The following MBNL1 variants were observed in gnomAD, a reference collection of about 807,000 sequenced individuals.
MBNL1 encodes muscleblind like splicing regulator 1.
In MBNL1, 8 loss-of-function variants were observed where a neutral mutation model predicts 42.2. The observed-to-expected ratio is 0.19, with a 90% CI of 0.11 to 0.34. The LOEUF (loss-of-function observed/expected upper bound fraction) is 0.34, where lower values mean the gene tolerates loss of function less well. MBNL1 is among the 10% of genes least tolerant of loss of function. The pLI is 1.00. For synonymous variants in MBNL1, 169 were observed against 173.9 expected (o/e 0.97, Z 0.22); for missense variants, 309 against 495.3 (o/e 0.62, Z 3.57).
chr3:152,288,263 C>T (rs1017715238), intron 1 of MBNL1, among the ~76,000 whole-genome samples: 1 of 152,204 alleles, frequency 6.6e-6, no homozygotes, highest in Admixed American at 6.5e-5. Flanking sequence ...AGAGGACATA[C>T]ATGCAAAGGC....
rs1490856475 is a variant in MBNL1, at chr3:152,249,602, T to A, written n.333+5162T>A. The stretch of plus-strand genomic sequence containing the variant: ...ACTCTGATGGTAGTTTCTTTTGCTG[T>A]GCAGAAGCTCTTTAGTTTAATTAGA... On this transcript the variant is annotated intron_variant and non_coding_transcript_variant, in intron 2 of 2. Coordinates refer to the MBNL1 transcript ENST00000477171. Among the ~76,000 whole-genome samples the A allele has an allele frequency of 1.1e-4, 16 of 149,718 alleles. 1 individual carries two copies.
intron 3 of MBNL1, among the ~76,000 whole-genome samples, chr3:152,423,667 C>T (rs1379973653): frequency 3.3e-5 from 5 of 152,256 alleles, no homozygotes; most frequent in South Asian, 4.1e-4. Context: ...TGGTGAACAT[C>T]GGTGCGAAAA....
intron 4 of MBNL1, among the ~76,000 whole-genome samples, chr3:152,436,058 A>G (rs1184133668): frequency 6.6e-6 from 1 of 152,012 alleles, no homozygotes; most frequent in Non-Finnish European, 1.5e-5. Flanking sequence ...GGATGAGGCA[A>G]TACTTAGTGC....
chr3:152,413,621 A>T (rs1295957957), intron 2 of MBNL1, among the ~76,000 whole-genome samples: 1 of 152,232 alleles, frequency 6.6e-6, no homozygotes, highest in African/African-American at 2.4e-5. Context: ...AATTAGAATT[A>T]TGACAGATTT....
At chr3:152,459,845 T>G (rs1296009853) in intron 9 of MBNL1, among the ~76,000 whole-genome samples, 1 of 151,164 alleles carries the variant, frequency 6.6e-6, no homozygotes, top group Non-Finnish European at 1.5e-5. Context: ...GTAGTTTGGC[T>G]GACCTCTGGT....
intron 6 of MBNL1, among the ~76,000 whole-genome samples, chr3:152,455,013 C>T (rs1021067622): frequency 6.6e-6 from 1 of 151,972 alleles, no homozygotes; most frequent in Non-Finnish European, 1.5e-5. Context: ...CTACAATGAA[C>T]AGGAAAATAA....
intron 2 of MBNL1, among the ~76,000 whole-genome samples, chr3:152,319,614 G>GTTTT (rs202070328): frequency 0.083 from 6,614 of 80,092 alleles, 1,024 homozygotes; most frequent in Non-Finnish European, 0.11. Flanking sequence ...GTTCTATACT[G>GTTTT]TTTTTTTTTT....
intron 2 of MBNL1, among the ~76,000 whole-genome samples, chr3:152,380,986 C>T (rs953273299): frequency 6.6e-6 from 1 of 151,998 alleles, no homozygotes; most frequent in Non-Finnish European, 1.5e-5. Context: ...GTTAATAAAA[C>T]AGAAGGAGGG....
chr3:152,363,150 T>C (rs1260315563), intron 2 of MBNL1, among the ~76,000 whole-genome samples: 1 of 152,234 alleles, frequency 6.6e-6, no homozygotes, highest in Admixed American at 6.5e-5. Flanking sequence ...ATTCATGGTT[T>C]GCAATATTGG....
intron 5 of MBNL1, among the ~76,000 whole-genome samples, chr3:152,446,982 A>AT (rs1286886269): frequency 6.6e-6 from 1 of 152,230 alleles, no homozygotes; most frequent in Non-Finnish European, 1.5e-5. Flanking sequence ...AGCAGCCCAC[A>AT]TTCAGTTTAA....
At chr3:152,438,848 G>T (rs927861150) in intron 4 of MBNL1, among the ~76,000 whole-genome samples, 2 of 152,212 alleles carry the variant, frequency 1.3e-5, no homozygotes, top group Non-Finnish European at 2.9e-5. Flanking sequence ...TAAGAACACT[G>T]TGCATGGCAT....
chr3:152,419,683 T>A (rs1031606047), intron 3 of MBNL1, among the ~76,000 whole-genome samples: 5 of 98,670 alleles, frequency 5.1e-5, no homozygotes, highest in African/African-American at 1.4e-4. Context: ...CTGCAGGAGT[T>A]TTTTTGTTTG....
intron 3 of MBNL1, among the ~76,000 whole-genome samples, chr3:152,417,037 A>C (rs2098713529): frequency 6.6e-6 from 1 of 152,250 alleles, no homozygotes; most frequent in African/African-American, 2.4e-5. Context: ...TCATTGTCTA[A>C]AAATATACTT....
chr3:152,369,957 A>C (rs2096588376), intron 2 of MBNL1, among the ~76,000 whole-genome samples: 1 of 152,046 alleles, frequency 6.6e-6, no homozygotes, highest in Non-Finnish European at 1.5e-5. Flanking sequence ...TTTTCAAAAA[A>C]CCAGCTCCTG....
chr3:152,394,086 T>C (rs1406725670), intron 2 of MBNL1, among the ~76,000 whole-genome samples: 2 of 152,310 alleles, frequency 1.3e-5, no homozygotes, highest in East Asian at 1.9e-4. Flanking sequence ...AAAACCAAGA[T>C]TGTTGGGTAG....
chr3:152,396,275 A>G (rs2097928318), intron 2 of MBNL1: 1 of 214,506 alleles, frequency 4.7e-6, no homozygotes, highest in Non-Finnish European at 9.3e-6. Flanking sequence ...AATAATAGAA[A>G]TAAAGTGCAT....
intron 2 of MBNL1, among the ~76,000 whole-genome samples, chr3:152,252,134 A>ACCTTCCTT (rs139692617): frequency 0.17 from 17,526 of 102,704 alleles, 2,159 homozygotes; most frequent in South Asian, 0.22. Flanking sequence ...AAACTAACCT[A>ACCTTCCTT]CCTTCCTTCC....
intron 2 of MBNL1, among the ~76,000 whole-genome samples, chr3:152,390,615 A>ACG (rs1553896002): frequency 2.4e-4 from 30 of 123,308 alleles, no homozygotes; most frequent in Admixed American, 2.2e-3. Flanking sequence ...ATTGTTATGC[A>ACG]CACACACACA....
At chr3:152,341,148 A>G (rs1006229427) in intron 2 of MBNL1, among the ~76,000 whole-genome samples, 14 of 152,236 alleles carry the variant, frequency 9.2e-5, no homozygotes, top group African/African-American at 3.1e-4. Flanking sequence ...ATTCTTTCAT[A>G]TATAAAAACA....
Sources: allele counts gnomAD v4.1 joint callset (sites outside exome capture counted in the v4.1 genomes callset), GRCh38; gene constraint gnomAD v4.1.1; transcripts MANE v1.5; gene names NCBI Gene and HGNC (gene_info 2026-07-23, HGNC 2026-07-21).